ATP10B: variants seen among roughly 807,000 people sequenced by gnomAD.
ATP10B encodes the protein ATPase phospholipid transporting 10B (putative).
Under a neutral mutation model 141.2 loss-of-function variants are expected in ATP10B, and 122 were observed. The observed-to-expected ratio is 0.86, with a 90% CI of 0.75 to 1.00. ATP10B has a LOEUF of 1.00. Among genes scored for constraint, ATP10B ranks in the 50% least tolerant of loss-of-function variants. The probability of loss-of-function intolerance (pLI) is 0.00; values close to 1 mark genes in which losing one functional copy is unlikely to be tolerated. For synonymous variants in ATP10B, 685 were observed against 692.0 expected, an observed-to-expected ratio of 0.99 and a Z score of 0.16; for missense variants, 1,876 against 1,825.3, an observed-to-expected ratio of 1.03 and a Z score of -0.51.
chr5:160,606,128 A>G (rs759908448), intron 19 of ATP10B, among the ~76,000 whole-genome samples: 1 of 152,222 alleles, frequency 6.6e-6, no homozygotes, highest in Non-Finnish European at 1.5e-5. Context: ...GTAACAGAAG[A>G]TCACGAAGAT....
intron 6 of ATP10B, among the ~76,000 whole-genome samples, chr5:160,672,593 G>A (rs1398234051): frequency 6.6e-6 from 1 of 152,188 alleles, no homozygotes; most frequent in Non-Finnish European, 1.5e-5. Flanking sequence ...CCCACATGTG[G>A]TCTTTCTAAC....
At chr5:160,662,931 A>G (rs904647353) in intron 7 of ATP10B, among the ~76,000 whole-genome samples, 3 of 152,246 alleles carry the variant, frequency 2.0e-5, no homozygotes, top group Non-Finnish European at 4.4e-5. Context: ...ATCTACAATG[A>G]ACTCAAACAA....
intron 1 of ATP10B, among the ~76,000 whole-genome samples, chr5:160,821,578 G>T (rs1176600444): frequency 1.3e-5 from 2 of 151,866 alleles, no homozygotes; most frequent in East Asian, 1.9e-4. Flanking sequence ...AAAAACAACA[G>T]AATTAGAAGA....
intron 1 of ATP10B, among the ~76,000 whole-genome samples, chr5:160,839,699 A>G (rs572280639): frequency 6.6e-6 from 1 of 152,132 alleles, no homozygotes; most frequent in Non-Finnish European, 1.5e-5. Flanking sequence ...AAATTGACCC[A>G]TCAAATTTCA....
At chr5:160,595,607 G>T (rs1367170790) in intron 22 of ATP10B, among the ~76,000 whole-genome samples, 1 of 125,480 alleles carries the variant, frequency 8.0e-6, no homozygotes, top group African/African-American at 2.7e-5. Context: ...CCAGGAGCTG[G>T]TTTTTTGAAA....
chr5:160,671,537 G>C (rs1254022831), intron 6 of ATP10B, among the ~76,000 whole-genome samples: 1 of 152,204 alleles, frequency 6.6e-6, no homozygotes. Flanking sequence ...CAGGAATTAG[G>C]AGGATGCTAC....
chr5:160,631,207 T>C (rs994405461), intron 13 of ATP10B, among the ~76,000 whole-genome samples: 2 of 152,226 alleles, frequency 1.3e-5, no homozygotes, highest in African/African-American at 4.8e-5. Context: ...GGGCTCCCTG[T>C]GGCCTCTTGT....
At chr5:160,627,800 G>A (rs913967830) in intron 13 of ATP10B, among the ~76,000 whole-genome samples, 15 of 152,184 alleles carry the variant, frequency 9.9e-5, no homozygotes, top group South Asian at 2.1e-4. Flanking sequence ...CAGTGGGAAC[G>A]GTATGCTTCC....
chr5:160,812,800 GC>G (rs1773267718), intron 1 of ATP10B, among the ~76,000 whole-genome samples: 1 of 152,154 alleles, frequency 6.6e-6, no homozygotes, highest in Non-Finnish European at 1.5e-5. Context: ...AGTTATATTG[GC>G]CTTAAAAGTG....
At chr5:160,829,028 AGGGGAACATCACACTCTGGGGACTGTTGT>A (rs1470069823) in intron 1 of ATP10B, among the ~76,000 whole-genome samples, 1 of 119,540 alleles carries the variant, frequency 8.4e-6, no homozygotes, top group Non-Finnish European at 1.6e-5. Context: ...GGACACAGGA[AGGGGAACATCACACTCTGGGGACTGTTGT>A]GGGGTGGGGG....
At chr5:160,810,708 A>C (rs1773096602) in intron 1 of ATP10B, among the ~76,000 whole-genome samples, 1 of 152,194 alleles carries the variant, frequency 6.6e-6, no homozygotes, top group Admixed American at 6.5e-5. Context: ...AAATTTATTT[A>C]TACTTATTAT....
At chr5:160,826,894 T>C (rs1210651099) in intron 1 of ATP10B, among the ~76,000 whole-genome samples, 1 of 152,146 alleles carries the variant, frequency 6.6e-6, no homozygotes, top group Admixed American at 6.5e-5. Flanking sequence ...AAATATTTGG[T>C]CAGATCGGTT....
intron 11 of ATP10B, 130 bp from the exon 12 acceptor site, chr5:160,634,736 T>A: frequency 3.1e-6 from 3 of 970,944 alleles, no homozygotes; most frequent in Non-Finnish European, 4.5e-6. Context: ...TCTGTGAAAT[T>A]AACGGTCAAT....
chr5:160,589,291 T>C (rs1467643756), intron 24 of ATP10B, among the ~76,000 whole-genome samples: 1 of 152,162 alleles, frequency 6.6e-6, no homozygotes, highest in Non-Finnish European at 1.5e-5. Flanking sequence ...GGATTACAGG[T>C]GTGAGCCACC....
the ATP10B span, among the ~76,000 whole-genome samples, chr5:160,893,723 C>G: frequency 6.6e-6 from 1 of 152,180 alleles, no homozygotes; most frequent in Non-Finnish European, 1.5e-5. Context: ...TCAAGTGGGT[C>G]ACTGATCCCC....
intron 2 of ATP10B, among the ~76,000 whole-genome samples, chr5:160,720,918 A>G (rs1765950258): frequency 6.6e-6 from 1 of 152,174 alleles, no homozygotes; most frequent in South Asian, 2.1e-4. Flanking sequence ...TTTTCTTACT[A>G]TTGTTGATTA....
At position 160,670,448 on chromosome 5, in the gene ATP10B, T is replaced by A. The variant is rs1219911188; in HGVS notation, c.675+15A>T. On this transcript the variant is annotated intron_variant, in intron 7 of 25. Transcript: ENST00000327245. ...TCTATGACTTTACCATTGAAGATATTAGAAAGAGCCCTACCTGCTGTGAGA... is the reference window on the plus strand; with the variant it reads ...TCTATGACTTTACCATTGAAGATATAAGAAAGAGCCCTACCTGCTGTGAGA... 6.2e-7 allele frequency: 1 copy of A among 1,613,504 alleles called. No homozygotes were observed. Among genetic ancestry groups the A allele is most frequent in the Non-Finnish European group, 8.5e-7 (1 of 1,179,600 alleles).
intron 1 of ATP10B, 120 bp from the exon 2 acceptor site, chr5:160,785,923 A>G (rs1365751775): frequency 1.0e-5 from 2 of 200,796 alleles, no homozygotes; most frequent in Non-Finnish European, 1.0e-5. Context: ...GACACACTTT[A>G]TAGAGCAAGT....
At chr5:160,730,860 A>C (rs901450454) in intron 2 of ATP10B, among the ~76,000 whole-genome samples, 8 of 152,064 alleles carry the variant, frequency 5.3e-5, no homozygotes, top group African/African-American at 1.7e-4. Flanking sequence ...CCAGACCCAG[A>C]GTTGGTGGGA....
Sources: allele counts gnomAD v4.1 joint callset (sites outside exome capture counted in the v4.1 genomes callset), GRCh38; gene constraint gnomAD v4.1.1; transcripts MANE v1.5; gene names NCBI Gene and HGNC (gene_info 2026-07-23, HGNC 2026-07-21).